The following NRG1 variants were observed in gnomAD, a reference collection of about 807,000 sequenced individuals.
NRG1 encodes neuregulin 1, also known as pro-neuregulin-1, membrane-bound isoform.
In NRG1, 18 loss-of-function variants were observed where a neutral mutation model predicts 63.8. The ratio of observed to expected loss-of-function variants is 0.28; its 90% CI spans 0.19 to 0.42. The LOEUF (loss-of-function observed/expected upper bound fraction) is 0.42, where lower values mean the gene tolerates loss of function less well. NRG1 is among the 10% of genes least tolerant of loss of function. NRG1 has a pLI of 1.00. For missense variants in NRG1, 762 were observed against 814.7 expected (o/e 0.94, Z 0.79); for synonymous variants, 302 against 301.3 (o/e 1.00, Z -0.02).
chr8:31,745,229 G>T (rs1310706149), intron 1 of NRG1, among the ~76,000 whole-genome samples: 5 of 151,890 alleles, frequency 3.3e-5, no homozygotes, highest in Non-Finnish European at 5.9e-5. Flanking sequence ...GAAGGGGAAG[G>T]CTTCAAGGAT....
intron 1 of NRG1, among the ~76,000 whole-genome samples, chr8:32,108,176 A>G (rs1284908107): frequency 6.6e-6 from 1 of 152,186 alleles, no homozygotes; most frequent in East Asian, 1.9e-4. Context: ...ACCTGTCAGT[A>G]TGCTCTGTAA....
chr8:32,017,434 C>T (rs1815720570), intron 1 of NRG1, among the ~76,000 whole-genome samples: 1 of 150,270 alleles, frequency 6.7e-6, no homozygotes, highest in African/African-American at 2.5e-5. Flanking sequence ...AGTTCTGCAG[C>T]AGACACCAGC....
At chr8:32,583,542 A>G (rs561802610) in intron 1 of NRG1, among the ~76,000 whole-genome samples, 2 of 152,364 alleles carry the variant, frequency 1.3e-5, no homozygotes, top group East Asian at 3.9e-4. Context: ...AAAACAAAAG[A>G]TACTTCTAGT....
intron 1 of NRG1, among the ~76,000 whole-genome samples, chr8:32,420,776 C>CTGTA (rs1816616080): frequency 6.6e-6 from 1 of 152,162 alleles, no homozygotes; most frequent in Non-Finnish European, 1.5e-5. Context: ...TATGGTTTGG[C>CTGTA]TGTATGTCTC....
intron 1 of NRG1, among the ~76,000 whole-genome samples, chr8:32,397,796 G>A (rs1812637104): frequency 6.6e-6 from 1 of 152,102 alleles, no homozygotes; most frequent in Non-Finnish European, 1.5e-5. Flanking sequence ...GGTTTTTTAT[G>A]CATTTTCTAA....
rs1306496255 is a variant in NRG1, at chr8:32,025,952, A to AG, written c.37+386521_37+386522insG. On this transcript the variant is annotated intron_variant, in intron 1 of 10. Coordinates refer to the NRG1 transcript ENST00000519301. ...GAGAGCGAGACTCCGTCTAAAAAAAAAAAAAAAAAAAGTGAAGATATTGCC... is the reference window on the plus strand; with the variant it reads ...GAGAGCGAGACTCCGTCTAAAAAAAAGAAAAAAAAAAAGTGAAGATATTGCC... 3.3e-5 allele frequency among the ~76,000 whole-genome samples: 5 copies of AG among 151,860 alleles called. No homozygotes were observed. In the East Asian group the frequency reaches 9.7e-4, roughly 29 times the overall value.
intron 1 of NRG1, among the ~76,000 whole-genome samples, chr8:31,729,009 G>A (rs1813740628): frequency 1.3e-5 from 2 of 152,150 alleles, no homozygotes; most frequent in South Asian, 2.1e-4. Flanking sequence ...TGGGCTGTTA[G>A]TTTTGAGGTA....
At chr8:32,647,555 T>TC (rs1660538986) in intron 5 of NRG1, 6 of 985,110 alleles carry the variant, frequency 6.1e-6, no homozygotes, top group African/African-American at 5.2e-5. Context: ...GAGCTTTTCT[T>TC]CCCCCCTTGC....
chr8:32,469,223 T>C (rs1262444268), intron 1 of NRG1, among the ~76,000 whole-genome samples: 4 of 152,218 alleles, frequency 2.6e-5, no homozygotes, highest in East Asian at 3.8e-4. Flanking sequence ...GTCAGTTTTC[T>C]ATAATGACAA....
At chr8:32,512,646 G>A (rs565733002) in intron 1 of NRG1, among the ~76,000 whole-genome samples, 2 of 152,268 alleles carry the variant, frequency 1.3e-5, no homozygotes, top group East Asian at 3.9e-4. Flanking sequence ...TAGGTAACTT[G>A]TTCAAGTCCA....
intron 1 of NRG1, among the ~76,000 whole-genome samples, chr8:32,187,969 A>G (rs181680525): frequency 6.6e-6 from 1 of 152,278 alleles, no homozygotes; most frequent in East Asian, 1.9e-4. Flanking sequence ...CATAAAATAC[A>G]TCTCTGAAGG....
chr8:32,596,960 A>G (rs1843471101), intron 2 of NRG1, among the ~76,000 whole-genome samples: 1 of 152,018 alleles, frequency 6.6e-6, no homozygotes, highest in Non-Finnish European at 1.5e-5. Context: ...TGGTGGATGC[A>G]TTCTGTATCT....
chr8:31,866,323 T>C (rs1386100010), intron 1 of NRG1, among the ~76,000 whole-genome samples: 2 of 152,202 alleles, frequency 1.3e-5, no homozygotes, highest in Admixed American at 6.5e-5. Context: ...TCAATCAATG[T>C]TACTTGGATT....
chr8:32,287,531 G>T (rs1214792618), intron 1 of NRG1: 1 of 152,162 alleles, frequency 6.6e-6, no homozygotes, highest in African/African-American at 2.4e-5. Context: ...TCTCCAAAGG[G>T]ACTAAGTTTT....
chr8:32,067,054 G>C (rs1295011572), intron 1 of NRG1, among the ~76,000 whole-genome samples: 1 of 152,178 alleles, frequency 6.6e-6, no homozygotes, highest in Non-Finnish European at 1.5e-5. Flanking sequence ...CTGAGACTTT[G>C]CTGAAGTTGC....
chr8:31,809,465 T>C (rs1263239932), intron 1 of NRG1, among the ~76,000 whole-genome samples: 3 of 150,254 alleles, frequency 2.0e-5, no homozygotes, highest in Non-Finnish European at 1.5e-5. Flanking sequence ...TTCTGTTCTC[T>C]GTCTTAACTT....
intron 1 of NRG1, among the ~76,000 whole-genome samples, chr8:31,930,590 A>G (rs1227404385): frequency 6.6e-6 from 1 of 152,148 alleles, no homozygotes; most frequent in African/African-American, 2.4e-5. Context: ...CCCTTTAATT[A>G]GTGTCTGGGA....
chr8:32,104,772 G>C (rs1426746384), intron 1 of NRG1, among the ~76,000 whole-genome samples: 2 of 152,060 alleles, frequency 1.3e-5, no homozygotes, highest in African/African-American at 4.8e-5. Context: ...CAGTATCACT[G>C]TCTTCCACCT....
chr8:32,267,168 AGAAGGAAGGAAGGAGAAAGAAGGAAG>A (rs912602509), intron 1 of NRG1, among the ~76,000 whole-genome samples: 1 of 147,340 alleles, frequency 6.8e-6, no homozygotes. Flanking sequence ...GGAAGGAGAA[AGAAGGAAGGAAGGAGAAAGAAGGAAG>A]GAAGGAAGGA....
Sources: gnomAD v4.1 joint callset for allele counts (sites outside exome capture counted in the v4.1 genomes callset) on GRCh38, gnomAD v4.1.1 for gene constraint, MANE v1.5 for transcripts, NCBI Gene and HGNC (gene_info 2026-07-23, HGNC 2026-07-21) for gene names.